Variants in DPH5 observed in about 807,000 individuals in gnomAD.
The protein encoded by DPH5 is diphthamide biosynthesis 5.
A neutral mutation model predicts 31.6 loss-of-function variants in DPH5; 31 were observed. The ratio of observed to expected loss-of-function variants is 0.98; its 90% CI spans 0.74 to 1.32. DPH5 has a LOEUF of 1.32. Among genes scored for constraint, DPH5 ranks in the 40% most tolerant of loss-of-function variants. The pLI is 0.00. For synonymous variants in DPH5, 120 were observed against 115.0 expected, an observed-to-expected ratio of 1.04 and a Z score of -0.28; for missense variants, 309 against 335.7, an observed-to-expected ratio of 0.92 and a Z score of 0.62.
chr1:101,006,857 G>T (rs939352234), intron 4 of DPH5, among the ~76,000 whole-genome samples: 5 of 152,154 alleles, frequency 3.3e-5, no homozygotes, highest in African/African-American at 1.2e-4. Flanking sequence ...TCATGCAATA[G>T]CAAGAGAAAG....
chr1:100,995,846 A>G (rs1229789026), intron 5 of DPH5: 1 of 152,256 alleles, frequency 6.6e-6, no homozygotes, highest in Non-Finnish European at 1.5e-5. Context: ...AAAGGAACTC[A>G]GTATACAACA....
chr1:101,003,827 GTTTACATTCTAAAAA>G (rs1659038458), intron 4 of DPH5, among the ~76,000 whole-genome samples: 1 of 152,058 alleles, frequency 6.6e-6, no homozygotes, highest in South Asian at 2.1e-4. Flanking sequence ...AAGTTCAACT[GTTTACATTCTAAAAA>G]GGATTTTTCA....
At chr1:101,002,382 C>A (rs552342758) in intron 4 of DPH5, among the ~76,000 whole-genome samples, 2 of 152,226 alleles carry the variant, frequency 1.3e-5, no homozygotes, top group Non-Finnish European at 2.9e-5. Flanking sequence ...TGTGATATTA[C>A]TGTAAGATTT....
At chr1:101,006,069 G>C (rs1659210134) in intron 4 of DPH5, among the ~76,000 whole-genome samples, 1 of 152,160 alleles carries the variant, frequency 6.6e-6, no homozygotes, top group Admixed American at 6.5e-5. Flanking sequence ...TTCCCCTACA[G>C]ACATAATTGT....
intron 2 of DPH5, 64 bp from the exon 3 acceptor site, chr1:101,021,829 C>CACAA: frequency 7.9e-7 from 1 of 1,269,814 alleles, no homozygotes; most frequent in Non-Finnish European, 1.1e-6. Flanking sequence ...CACACACACA[C>CACAA]ACACACACAC....
intron 4 of DPH5, among the ~76,000 whole-genome samples, chr1:101,010,432 A>G (rs558535469): frequency 1.8e-4 from 27 of 152,316 alleles, no homozygotes; most frequent in African/African-American, 5.8e-4. Context: ...ATAGTGATAA[A>G]CAAAAATTTT....
At chr1:100,991,029 G>T (rs574031845) in intron 7 of DPH5, among the ~76,000 whole-genome samples, 1 of 152,324 alleles carries the variant, frequency 6.6e-6, no homozygotes, top group Non-Finnish European at 1.5e-5. Context: ...GAAACCATGA[G>T]ATTATGAAAT....
At position 101,001,485 on chromosome 1, in the gene DPH5, G is replaced by A; in HGVS notation, c.472C>T (p.His158Tyr). 1 of 1,613,484 alleles carries A rather than the reference G, an allele frequency of 6.2e-7. No individual in the cohort carries two copies. Among genetic ancestry groups the A allele is most frequent in the Non-Finnish European group, 8.5e-7 (1 of 1,179,692 alleles). ...KVKKNRQNGMHTLCLLDIKVK... is the reference protein window; with the variant it reads ...KVKKNRQNGMYTLCLLDIKVK... ...CCCTTACCTAGTAAACATAATGTGTGCATGCCATTTTGTCTGTTCTTCTTC... is the reference window on the plus strand; with the variant it reads ...CCCTTACCTAGTAAACATAATGTGTACATGCCATTTTGTCTGTTCTTCTTC... Residue 158 changes from histidine to tyrosine, a missense_variant, in exon 5 of 8, where the codon CAC becomes TAC. Transcript: ENST00000370109.
chr1:101,020,359 T>G (rs1373150713), intron 3 of DPH5, among the ~76,000 whole-genome samples: 1 of 152,154 alleles, frequency 6.6e-6, no homozygotes, highest in Non-Finnish European at 1.5e-5. Context: ...TTGAAGGTAT[T>G]CAGTCTTTCC....
chr1:100,997,895 C>G (rs778228505), intron 5 of DPH5, among the ~76,000 whole-genome samples: 3 of 152,182 alleles, frequency 2.0e-5, no homozygotes, highest in Non-Finnish European at 2.9e-5. Flanking sequence ...CTTCTACCCA[C>G]AGCTGGCCTT....
In DPH5 at chr1:100,990,209, TA is replaced by T; in HGVS notation, c.*198del. On this transcript the variant is annotated 3_prime_UTR_variant, in exon 8 of 8. Coordinates refer to ENST00000370109, the MANE Select transcript of DPH5 (RefSeq NM_015958.3). ...CAGTAGGGGAAATGCCAGGCACTTA[TA>T]AAACCATCAGATCTCATGAAAGCTC... 1.7e-6 allele frequency: 1 copy of T among 578,954 alleles called. No individual in the cohort carries two copies. Among genetic ancestry groups the T allele is most frequent in the Non-Finnish European group, 3.1e-6 (1 of 327,762 alleles). The allele number at this position is 578,954 out of a possible 1,614,324, so 35.9% of individuals were successfully genotyped here.
At chr1:100,993,559 A>AAAATAT (rs1658000461) in intron 6 of DPH5, among the ~76,000 whole-genome samples, 1 of 56,546 alleles carries the variant, frequency 1.8e-5, no homozygotes, top group African/African-American at 6.3e-5. Flanking sequence ...CGAAAATATA[A>AAAATAT]ATATATATAT....
intron 3 of DPH5, among the ~76,000 whole-genome samples, chr1:101,014,864 T>A (rs533249859): frequency 6.6e-6 from 1 of 152,232 alleles, no homozygotes; most frequent in Non-Finnish European, 1.5e-5. Flanking sequence ...TTTCATCTCA[T>A]GAAACCACTT....
intron 4 of DPH5, among the ~76,000 whole-genome samples, chr1:101,010,017 T>G (rs968306571): frequency 6.6e-6 from 1 of 152,224 alleles, no homozygotes; most frequent in South Asian, 2.1e-4. Context: ...AGTGACTTAG[T>G]CACTCTCTAA....
chr1:100,999,777 T>G (rs1270991117), intron 5 of DPH5, among the ~76,000 whole-genome samples: 2 of 151,658 alleles, frequency 1.3e-5, no homozygotes, highest in East Asian at 3.9e-4. Flanking sequence ...AGGTGGAGGT[T>G]GCAGTGAGCC....
intron 4 of DPH5, 135 bp downstream of exon 4, chr1:101,013,562 AATTCAGTCTATGT>A (rs1044613978): frequency 3.5e-5 from 16 of 451,116 alleles, no homozygotes; most frequent in Non-Finnish European, 6.1e-5. Context: ...AGTGTTAAAA[AATTCAGTCTATGT>A]ATATACTAAG....
intron 3 of DPH5, among the ~76,000 whole-genome samples, chr1:101,014,830 C>T (rs1474243560): frequency 1.3e-5 from 2 of 152,204 alleles, no homozygotes. Flanking sequence ...CAACAATGTT[C>T]ACAGCATCTT....
At position 101,007,142 on chromosome 1, in the gene DPH5, T is replaced by A. The variant is rs187393095; in HGVS notation, c.370-5555A>T. 2.1e-4 allele frequency among the ~76,000 whole-genome samples: 32 copies of A among 152,322 alleles called. No individual in the cohort carries two copies. In the East Asian group the frequency reaches 6.0e-3, roughly 28 times the overall value. ...TTTTTTCTAATATTTGTTTGGCCTATAAGATCAAGTAAATATACACATACT... is the reference window on the plus strand; with the variant it reads ...TTTTTTCTAATATTTGTTTGGCCTAAAAGATCAAGTAAATATACACATACT... On this transcript the variant is annotated intron_variant, in intron 4 of 7. Coordinates refer to ENST00000370109, the MANE Select transcript of DPH5 (RefSeq NM_015958.3).
At chr1:101,022,262 T>C (rs1055141530) in intron 2 of DPH5, among the ~76,000 whole-genome samples, 8 of 152,216 alleles carry the variant, frequency 5.3e-5, no homozygotes, top group Admixed American at 2.6e-4. Context: ...AATAGAAAAT[T>C]AGCTGTTTAC....
Sources: gnomAD v4.1 joint callset for allele counts (sites outside exome capture counted in the v4.1 genomes callset) on GRCh38, gnomAD v4.1.1 for gene constraint, MANE v1.5 for transcripts, NCBI Gene and HGNC (gene_info 2026-07-23, HGNC 2026-07-21) for gene names.